Variants in SMC5 observed in about 807,000 individuals in gnomAD.
SMC5 encodes the protein structural maintenance of chromosomes 5.
A neutral mutation model predicts 148.3 loss-of-function variants in SMC5; 88 were observed. The ratio of observed to expected loss-of-function variants is 0.59; its 90% confidence interval spans 0.50 to 0.71. SMC5 has a LOEUF of 0.71. Ranked by LOEUF, SMC5 falls within the 30% of genes least tolerant of loss-of-function variation. The pLI is 0.00. For missense variants in SMC5, 1,142 were observed against 1,298.9 expected (o/e 0.88, Z 1.86); for synonymous variants, 421 against 432.8 (o/e 0.97, Z 0.34).
intron 3 of SMC5, among the ~76,000 whole-genome samples, chr9:70,273,189 CT>C (rs199876330): frequency 2.6e-4 from 37 of 143,002 alleles, no homozygotes; most frequent in East Asian, 4.0e-4. Context: ...AATCATCTGG[CT>C]TTTTTTTTTT....
chr9:70,318,490 A>C, intron 13 of SMC5, 24 bp from the exon 14 acceptor site: 1 of 1,506,742 alleles, frequency 6.6e-7, no homozygotes, highest in Non-Finnish European at 9.0e-7. Context: ...TTAGATGTGC[A>C]CTAATAGTTG....
intron 3 of SMC5, among the ~76,000 whole-genome samples, chr9:70,273,078 C>T (rs1047785906): frequency 6.6e-6 from 1 of 151,946 alleles, no homozygotes; most frequent in Non-Finnish European, 1.5e-5. Context: ...AGAATTTTTA[C>T]ATCCGTATTT....
intron 8 of SMC5, among the ~76,000 whole-genome samples, chr9:70,286,479 G>C (rs2034905300): frequency 6.6e-6 from 1 of 152,108 alleles, no homozygotes; most frequent in African/African-American, 2.4e-5. Flanking sequence ...TAGCAGCTGT[G>C]CCTTATGATA....
chr9:70,264,529 G>A, intron 2 of SMC5, 84 bp downstream of exon 2: 1 of 1,403,134 alleles, frequency 7.1e-7, no homozygotes, highest in African/African-American at 1.4e-5. Flanking sequence ...TCAGTTCCTT[G>A]GGTATAGCAA....
Position 70,350,388 on chromosome 9 carries a change from A to C in SMC5, c.3082A>C (p.Ile1028Leu), listed in dbSNP as rs754414457. Residue 1028 changes from isoleucine to leucine, a missense_variant, in exon 24 of 25, where the codon ATC (isoleucine) becomes CTC (leucine). Physicochemically the swap from Ile to Leu is conservative, Grantham distance 5. This residue lies in a region of SMC5 where 30 missense variants were observed against 65.3 expected (regional missense o/e 0.46). Transcript: ENST00000361138. ...VDEINQGMDP[I>L]NERRVFEMVV... ...TGCCATTGTTTAGGGAATGGACCCA[A>C]TCAATGAACGGAGAGTGTTTGAAAT... 1 of 1,610,292 alleles carries C rather than the reference A, an allele frequency of 6.2e-7. No homozygotes were observed. The highest frequency in any genetic ancestry group is 1.7e-5 in the Admixed American group (1 of 58,982).
intron 1 of SMC5, among the ~76,000 whole-genome samples, chr9:70,263,834 A>G (rs1218553899): frequency 2.0e-5 from 3 of 152,218 alleles, no homozygotes; most frequent in Admixed American, 2.0e-4. Context: ...GGGTTGAGAT[A>G]TATCTTCAGT....
intron 10 of SMC5, among the ~76,000 whole-genome samples, chr9:70,303,689 C>G (rs1266297087): frequency 6.6e-6 from 1 of 152,192 alleles, no homozygotes; most frequent in African/African-American, 2.4e-5. Flanking sequence ...CTATGTCCAT[C>G]TTACAGATGA....
chr9:70,305,448 A>G, intron 11 of SMC5, 88 bp downstream of exon 11: 1 of 763,688 alleles, frequency 1.3e-6, no homozygotes. Context: ...AAAATGTGAT[A>G]GCTAATTTTA....
chr9:70,259,370 T>C (rs963518765), intron 1 of SMC5, 107 bp downstream of exon 1: 2 of 1,216,920 alleles, frequency 1.6e-6, no homozygotes, highest in African/African-American at 3.1e-5. Context: ...ACCTGGCTTG[T>C]GGGTCTGGCC....
intron 11 of SMC5, among the ~76,000 whole-genome samples, chr9:70,308,123 C>CAGATAAT (rs1324276479): frequency 6.6e-6 from 1 of 151,966 alleles, no homozygotes; most frequent in African/African-American, 2.4e-5. Flanking sequence ...ATCTAGAGAC[C>CAGATAAT]AGATAATATG....
At chr9:70,340,758 A>G (rs553916457) in intron 17 of SMC5, among the ~76,000 whole-genome samples, 23 of 152,154 alleles carry the variant, frequency 1.5e-4, no homozygotes, top group Non-Finnish European at 3.1e-4. Context: ...TCTGTGAATA[A>G]TTCTTACTTC....
At chr9:70,268,462 C>A (rs1180108) in intron 3 of SMC5, among the ~76,000 whole-genome samples, 20,250 of 142,126 alleles carry the variant, frequency 0.14, 1,461 homozygotes, top group African/African-American at 0.22. Flanking sequence ...CTGCCCCCCC[C>A]AAAAAAAAAA....
At chr9:70,318,109 G>A (rs549073896) in intron 13 of SMC5, among the ~76,000 whole-genome samples, 1 of 152,110 alleles carries the variant, frequency 6.6e-6, no homozygotes, top group Non-Finnish European at 1.5e-5. Flanking sequence ...ATTGCTAGAT[G>A]CAGTGGCTCA....
intron 17 of SMC5, among the ~76,000 whole-genome samples, chr9:70,325,910 C>A (rs1008830621): frequency 4.6e-5 from 7 of 151,896 alleles, no homozygotes; most frequent in Non-Finnish European, 1.0e-4. Flanking sequence ...AAGATATTTG[C>A]ATAATAATAA....
chr9:70,350,351 A>C, intron 23 of SMC5, 25 bp from the exon 24 acceptor site: 1 of 1,609,580 alleles, frequency 6.2e-7, no homozygotes, highest in Non-Finnish European at 8.5e-7. Context: ...GAATAAATGT[A>C]ATCATTATTG....
Sources: gnomAD v4.1 joint callset for allele counts (sites outside exome capture counted in the v4.1 genomes callset) on GRCh38, gnomAD v4.1.1 for gene constraint, gnomAD v4.1.1 regional missense constraint, MANE v1.5 for transcripts, NCBI Gene and HGNC (gene_info 2026-07-23, HGNC 2026-07-21) for gene names.